SLC4A4: variants seen among roughly 807,000 people sequenced by gnomAD.
SLC4A4 encodes the protein electrogenic sodium bicarbonate cotransporter 1.
SLC4A4 carries 27 observed loss-of-function variants against 111.5 expected under a neutral mutation model. The observed-to-expected ratio is 0.24, with a 90% CI of 0.18 to 0.33. The LOEUF (loss-of-function observed/expected upper bound fraction) is 0.33, where lower values mean the gene tolerates loss of function less well. Among genes scored for constraint, SLC4A4 ranks in the 10% least tolerant of loss-of-function variants. The pLI, the probability that SLC4A4 is intolerant of heterozygous loss-of-function variation, is 1.00. For synonymous variants in SLC4A4, 443 were observed against 463.4 expected (o/e 0.96, Z 0.57); for missense variants, 909 against 1,315.5 (o/e 0.69, Z 4.78).
chr4:71,441,920 T>C (rs1724754876), intron 8 of SLC4A4, among the ~76,000 whole-genome samples: 1 of 152,230 alleles, frequency 6.6e-6, no homozygotes, highest in Admixed American at 6.5e-5. Context: ...GTGTTTTCTG[T>C]AACGTAGCTT....
At chr4:71,297,295 T>C (rs1447629377) in intron 3 of SLC4A4, among the ~76,000 whole-genome samples, 3 of 152,182 alleles carry the variant, frequency 2.0e-5, no homozygotes, top group Non-Finnish European at 4.4e-5. Flanking sequence ...CGTCTCCAGG[T>C]AGACACTCTG....
At chr4:71,316,469 G>C (rs1172023572) in intron 3 of SLC4A4, among the ~76,000 whole-genome samples, 1 of 152,042 alleles carries the variant, frequency 6.6e-6, no homozygotes, top group Admixed American at 6.6e-5. Flanking sequence ...GGGATCCCTG[G>C]TACCCCTGGT....
intron 12 of SLC4A4, among the ~76,000 whole-genome samples, chr4:71,456,144 T>C (rs1726245305): frequency 6.6e-6 from 1 of 152,196 alleles, no homozygotes; most frequent in South Asian, 2.1e-4. Flanking sequence ...GATTATTTTA[T>C]TAATAGATTT....
Position 71,567,004 on chromosome 4 carries a change from G to C in SLC4A4, c.3197G>C (p.Arg1066Thr). The C allele has an allele frequency of 6.2e-7, 1 of 1,608,596 alleles. No homozygotes were observed. Among genetic ancestry groups the C allele is most frequent in the Non-Finnish European group, 8.5e-7 (1 of 1,176,686 alleles). The change falls in exon 25 of 26, where the codon AGA (arginine) becomes ACA (threonine). Residue 1066 changes from arginine (R) to threonine (T), a missense_variant and splice_region_variant. Around this residue, in one of 7 missense-constraint regions of SLC4A4, gnomAD observed 85 missense variants for 79.8 expected, o/e 1.07. Coordinates refer to ENST00000264485, the MANE Select transcript of SLC4A4 (RefSeq NM_001098484.3). Reference sequence around the variant, plus strand: ...GTTTTTAAAAAATTTTATTTTCCAGGAGAAAGATCACCAACATTCCTTGAA... The same window carrying C: ...GTTTTTAAAAAATTTTATTTTCCAGCAGAAAGATCACCAACATTCCTTGAA... ...PFLSDSKPSD[R>T]ERSPTFLERH...
At chr4:71,524,498 C>G (rs900738320) in intron 16 of SLC4A4, among the ~76,000 whole-genome samples, 3 of 152,158 alleles carry the variant, frequency 2.0e-5, no homozygotes, top group African/African-American at 7.2e-5. Context: ...CATCTCTCTT[C>G]TTTGCTCCTC....
At position 71,489,485 on chromosome 4, in the gene SLC4A4, A is replaced by G. The variant is rs549875254; in HGVS notation, c.1974+2467A>G. On this transcript the variant is annotated intron_variant, in intron 15 of 25. Coordinates refer to ENST00000264485, the MANE Select transcript of SLC4A4 (RefSeq NM_001098484.3). ...TATCTCAAAGGTACTGTGAGTGTCAACTTAATAGATAGGCAGAACTTGGCA... is the reference window on the plus strand; with the variant it reads ...TATCTCAAAGGTACTGTGAGTGTCAGCTTAATAGATAGGCAGAACTTGGCA... 3.2e-4 allele frequency among the ~76,000 whole-genome samples: 49 copies of G among 151,852 alleles called. 1 individual carries two copies. In the South Asian group the frequency reaches 0.01, roughly 32 times the overall value.
At chr4:71,532,243 AT>A in intron 17 of SLC4A4, 68 bp downstream of exon 17, 1 of 988,280 alleles carries the variant, frequency 1.0e-6, no homozygotes, top group South Asian at 1.3e-5. Flanking sequence ...ATTCTAATTT[AT>A]TGTGTTTCTC....
rs565009766 is a variant in SLC4A4 at position 71,482,892 on chromosome 4, T to A, written c.1904-4056T>A. ...TGCTGAACAAGGTCTTGCTACCAAC[T>A]CTGCTTCTGATAAACTATAACCCTG... On this transcript the variant is annotated intron_variant, in intron 14 of 25. Coordinates refer to ENST00000264485, the MANE Select transcript of SLC4A4 (RefSeq NM_001098484.3). 3.3e-5 allele frequency among the ~76,000 whole-genome samples: 5 copies of A among 151,732 alleles called. No homozygotes were observed. The South Asian group carries it at 1.0e-3, about 31-fold the overall frequency.
chr4:71,134,014 T>C (rs1326221350), intron 2 of SLC4A4, among the ~76,000 whole-genome samples: 1 of 152,136 alleles, frequency 6.6e-6, no homozygotes, highest in Non-Finnish European at 1.5e-5. Flanking sequence ...CTGAATGCAT[T>C]GAGGTATACG....
chr4:71,217,212 A>C (rs1407083429), intron 1 of SLC4A4, among the ~76,000 whole-genome samples: 3 of 152,186 alleles, frequency 2.0e-5, no homozygotes, highest in Non-Finnish European at 4.4e-5. Context: ...TGTCAGCTCT[A>C]ATGATAAAAC....
intron 3 of SLC4A4, among the ~76,000 whole-genome samples, chr4:71,272,574 A>G (rs1435765851): frequency 1.3e-5 from 2 of 152,172 alleles, no homozygotes; most frequent in Non-Finnish European, 2.9e-5. Flanking sequence ...TGGAAGAAAG[A>G]CCATCTTGCC....
intron 3 of SLC4A4, among the ~76,000 whole-genome samples, chr4:71,333,675 C>G (rs144714376): frequency 6.6e-6 from 1 of 152,114 alleles, no homozygotes; most frequent in Admixed American, 6.5e-5. Flanking sequence ...GGCCTGGAGC[C>G]GGGAACTTTA....
At chr4:71,385,755 C>A (rs1187755169) in intron 6 of SLC4A4, among the ~76,000 whole-genome samples, 1 of 152,076 alleles carries the variant, frequency 6.6e-6, no homozygotes, top group Non-Finnish European at 1.5e-5. Context: ...GATACTGATA[C>A]ACCTATGGAA....
intron 3 of SLC4A4, among the ~76,000 whole-genome samples, chr4:71,332,667 C>T (rs982375849): frequency 2.8e-4 from 43 of 152,128 alleles, no homozygotes; most frequent in Admixed American, 5.2e-4. Context: ...CTCCTGACCT[C>T]GTGATCCGCC....
chr4:71,119,338 T>C (rs1490446427), intron 2 of SLC4A4, among the ~76,000 whole-genome samples: 1 of 152,220 alleles, frequency 6.6e-6, no homozygotes, highest in Non-Finnish European at 1.5e-5. Flanking sequence ...TATCTATGAG[T>C]GCACTTATGC....
chr4:71,091,441 G>A (rs1488272635), intron 1 of SLC4A4, among the ~76,000 whole-genome samples: 2 of 151,600 alleles, frequency 1.3e-5, no homozygotes, highest in African/African-American at 2.4e-5. Context: ...TTTTAGTAGA[G>A]ACGAGGTTTC....
chr4:71,388,725 A>C (rs1381329583), intron 6 of SLC4A4, among the ~76,000 whole-genome samples: 1 of 151,984 alleles, frequency 6.6e-6, no homozygotes, highest in East Asian at 1.9e-4. Flanking sequence ...ACTTTTAAAA[A>C]ATTTTTATAG....
intron 18 of SLC4A4, among the ~76,000 whole-genome samples, chr4:71,539,802 G>T (rs953928019): frequency 1.3e-5 from 2 of 151,894 alleles, no homozygotes; most frequent in African/African-American, 4.8e-5. Context: ...TTCAGCTCTC[G>T]TTTGGCCCAC....
chr4:71,094,949 T>A (rs146918413), intron 2 of SLC4A4, among the ~76,000 whole-genome samples: 1 of 152,194 alleles, frequency 6.6e-6, no homozygotes, highest in Non-Finnish European at 1.5e-5. Context: ...ATTAATTAGG[T>A]GTACTTTTTT....
Sources: allele counts gnomAD v4.1 joint callset (sites outside exome capture counted in the v4.1 genomes callset), GRCh38; gene constraint gnomAD v4.1.1; regional missense constraint gnomAD v4.1.1; transcripts MANE v1.5; gene names NCBI Gene and HGNC (gene_info 2026-07-23, HGNC 2026-07-21).